ISM1: variants seen among roughly 807,000 people sequenced by gnomAD.
ISM1 encodes isthmin-1.
ISM1 carries 25 observed loss-of-function variants against 46.3 expected under a neutral mutation model. That is an observed-to-expected ratio of 0.54 (90% confidence interval 0.39 to 0.75). The LOEUF (loss-of-function observed/expected upper bound fraction) is 0.75. Among genes scored for constraint, ISM1 ranks in the 30% least tolerant of loss-of-function variants. The pLI, the probability that ISM1 is intolerant of heterozygous loss-of-function variation, is 0.00. For missense variants in ISM1, 536 were observed against 625.4 expected, an observed-to-expected ratio of 0.86 and a Z score of 1.52; for synonymous variants, 255 against 256.7, an observed-to-expected ratio of 0.99 and a Z score of 0.06.
chr20:13,246,240 T>G (rs1475945723), intron 1 of ISM1, among the ~76,000 whole-genome samples: 1 of 151,146 alleles, frequency 6.6e-6, no homozygotes, highest in East Asian at 1.9e-4. Flanking sequence ...GCCACTGCAC[T>G]TTAGCCTGGG....
At chr20:13,284,730 T>A (rs2040273002) in intron 3 of ISM1, among the ~76,000 whole-genome samples, 2 of 152,146 alleles carry the variant, frequency 1.3e-5, no homozygotes, top group African/African-American at 2.4e-5. Context: ...TACTTCTTCC[T>A]AGGAGGCAGT....
the ISM1 span, among the ~76,000 whole-genome samples, chr20:13,315,351 A>T: frequency 7.8e-3 from 1,180 of 152,150 alleles, 18 homozygotes; most frequent in African/African-American, 0.027. Context: ...TTGCAGAAAC[A>T]TGTTATGCTT....
chr20:13,251,958 GAAGC>G (rs149190071), intron 1 of ISM1, among the ~76,000 whole-genome samples: 6,149 of 152,214 alleles, frequency 0.04, 184 homozygotes, highest in African/African-American at 0.079. Flanking sequence ...AGTCCAAGCT[GAAGC>G]AAGCAAGCAA....
chr20:13,317,820 C>T, the ISM1 span, among the ~76,000 whole-genome samples: 3 of 151,902 alleles, frequency 2.0e-5, no homozygotes, highest in Admixed American at 2.0e-4. Context: ...AAATGTGAAA[C>T]ATAAGATTAT....
the ISM1 span, among the ~76,000 whole-genome samples, chr20:13,316,197 A>C: frequency 6.6e-6 from 1 of 151,976 alleles, no homozygotes; most frequent in Non-Finnish European, 1.5e-5. Flanking sequence ...ACCTAAATGA[A>C]ATGGATCAAT....
At chr20:13,270,435 G>C in intron 1 of ISM1, 69 bp from the exon 2 acceptor site, 1 of 1,513,444 alleles carries the variant, frequency 6.6e-7, no homozygotes, top group Non-Finnish European at 8.9e-7. Context: ...GAATATAATG[G>C]ACTGTTAAGG....
At chr20:13,303,166 A>G (rs2040473147), downstream of ISM1, among the ~76,000 whole-genome samples, 1 of 152,196 alleles carries the variant, frequency 6.6e-6, no homozygotes, top group South Asian at 2.1e-4. Context: ...GAGCTCCTTG[A>G]AGCCAGCAGT....
the ISM1 span, among the ~76,000 whole-genome samples, chr20:13,320,954 T>C: frequency 3.3e-5 from 5 of 152,214 alleles, no homozygotes; most frequent in African/African-American, 7.2e-5. Context: ...ATCCCAGTAC[T>C]TTGGGAGGCC....
At chr20:13,323,267 A>AGG in the ISM1 span, among the ~76,000 whole-genome samples, 4 of 152,194 alleles carry the variant, frequency 2.6e-5, no homozygotes, top group Non-Finnish European at 5.9e-5. Flanking sequence ...AAGAAAAGAC[A>AGG]GGGGCTTGAG....
rs1167166954 is a variant in ISM1 at position 13,288,618 on chromosome 20, C to T, written c.722C>T (p.Thr241Ile). The T allele has an allele frequency of 2.5e-6, 4 of 1,613,984 alleles. No individual in the cohort carries two copies. The highest frequency in any genetic ancestry group is 3.4e-6 in the Non-Finnish European group (4 of 1,179,862). ...VTCGNGNQKR[T>I]RSCGYACTAT... ...TGCGGGAACGGCAACCAGAAACGGACCCGGTCTTGTGGCTACGCGTGCACT... is the reference window on the plus strand; with the variant it reads ...TGCGGGAACGGCAACCAGAAACGGATCCGGTCTTGTGGCTACGCGTGCACT... Residue 241 changes from threonine to isoleucine, a missense_variant, in exon 4 of 6, where the codon ACC (threonine) becomes ATC (isoleucine). By Grantham distance (89) the Thr-to-Ile change is moderately conservative. Around this residue, in one of 2 missense-constraint regions of ISM1, gnomAD observed 367 missense variants for 376.1 expected, o/e 0.98. Coordinates refer to ENST00000262487, the MANE Select transcript of ISM1 (RefSeq NM_080826.2).
At chr20:13,267,329 G>A (rs1051840430) in intron 1 of ISM1, among the ~76,000 whole-genome samples, 10 of 152,336 alleles carry the variant, frequency 6.6e-5, no homozygotes, top group Admixed American at 3.9e-4. Flanking sequence ...GGTTCGGAGA[G>A]ATGGAGAAAT....
intron 1 of ISM1, among the ~76,000 whole-genome samples, chr20:13,231,887 A>G (rs1408033926): frequency 6.6e-6 from 1 of 152,170 alleles, no homozygotes; most frequent in Non-Finnish European, 1.5e-5. Flanking sequence ...GTAGGCTTTG[A>G]ATGCGATGGG....
rs1246094722 is a variant in ISM1, at chr20:13,299,266, G to A, written c.1202G>A (p.Gly401Asp). Residue 401 changes from glycine (G) to aspartate (D), a missense_variant, in exon 6 of 6, where the codon GGC (glycine) becomes GAC (aspartate). Gly to Asp is a moderately conservative substitution (Grantham distance 94). Coordinates refer to ENST00000262487, the MANE Select transcript of ISM1 (RefSeq NM_080826.2). The surrounding 1 kb of genome is among the most constrained non-coding windows in gnomAD (Gnocchi z 5.8). The part of the protein sequence containing the change: ...MQLITRGKGA[G>D]TPNLISTEFS... ...CTCATCACCAGGGGCAAGGGGGCGG[G>A]CACGCCCAACCTCATCAGCACCGAG... 1.2e-6 allele frequency: 2 copies of A among 1,608,724 alleles called. No individual in the cohort carries two copies. Among genetic ancestry groups the A allele is most frequent in the Non-Finnish European group, 1.7e-6 (2 of 1,177,392 alleles).
the ISM1 span, among the ~76,000 whole-genome samples, chr20:13,321,794 A>C: frequency 6.6e-6 from 1 of 152,182 alleles, no homozygotes; most frequent in Non-Finnish European, 1.5e-5. Context: ...TTTCATGTGT[A>C]TTTTACTAGG....
At chr20:13,250,517 G>C (rs1296030100) in intron 1 of ISM1, among the ~76,000 whole-genome samples, 2 of 152,190 alleles carry the variant, frequency 1.3e-5, no homozygotes, top group Non-Finnish European at 2.9e-5. Flanking sequence ...AGCATGCCAG[G>C]CAGCTTCCAA....
At chr20:13,308,366 A>C in the ISM1 span, among the ~76,000 whole-genome samples, 1 of 152,206 alleles carries the variant, frequency 6.6e-6, no homozygotes, top group Non-Finnish European at 1.5e-5. Flanking sequence ...TTTATACATT[A>C]TTATTTAGGA....
chr20:13,253,862 CAT>C (rs546741165), intron 1 of ISM1, among the ~76,000 whole-genome samples: 3,480 of 140,080 alleles, frequency 0.025, 127 homozygotes, highest in African/African-American at 0.087. Context: ...CATCCATATC[CAT>C]ATATATATAT....
Position 13,247,526 on chromosome 20 carries a change from G to GTGTGTC in ISM1, c.139-22973_139-22972insCTGTGT, listed in dbSNP as rs1298749186. Among the ~76,000 whole-genome samples, 601 of 149,458 alleles carry GTGTGTC rather than the reference G, an allele frequency of 4.0e-3. 2 individuals are homozygous for GTGTGTC. Among genetic ancestry groups the GTGTGTC allele is most frequent in the African/African-American group, 0.014 (571 of 40,778 alleles). On this transcript the variant is annotated intron_variant, in intron 1 of 5. Transcript: ENST00000262487. Reference sequence around the variant, plus strand: ...TGGCAGCAAAGTGAGGGGTGTGTGTGTGTGTGTGTGTGTGTGTGTGTGTGT... The same window carrying GTGTGTC: ...TGGCAGCAAAGTGAGGGGTGTGTGTGTGTGTCTGTGTGTGTGTGTGTGTGTGTGTGT...
chr20:13,270,539 A>C lies in ISM1; in HGVS notation c.174A>C (p.Glu58Asp), dbSNP rs1223700650. 6.2e-7 allele frequency: 1 copy of C among 1,613,736 alleles called. No individual in the cohort carries two copies. The highest frequency in any genetic ancestry group is 8.5e-7 in the Non-Finnish European group (1 of 1,179,788). Residue 58 changes from glutamate (E) to aspartate (D), a missense_variant, in exon 2 of 6, where the codon GAA (glutamate) becomes GAC (aspartate). Transcript: ENST00000262487. The part of the protein sequence containing the change: ...NLNVGSDTTS[E>D]TSFSLSKEAP... ...ACGTGGGAAGTGACACCACATCAGA[A>C]ACCAGCTTTTCTCTCTCCAAAGAAG... is the stretch of plus-strand genomic sequence containing the variant.
Sources: gnomAD v4.1 joint callset for allele counts (sites outside exome capture counted in the v4.1 genomes callset) on GRCh38, gnomAD v4.1.1 for gene constraint, gnomAD v4.1.1 regional missense constraint, Gnocchi (gnomAD v3.1) non-coding constraint, MANE v1.5 for transcripts, NCBI Gene and HGNC (gene_info 2026-07-23, HGNC 2026-07-21) for gene names.